The following KHDRBS2 variants were observed in gnomAD, a reference collection of about 807,000 sequenced individuals.
The protein encoded by KHDRBS2 is KH domain-containing, RNA-binding, signal transduction-associated protein 2.
In KHDRBS2, 26 loss-of-function variants were observed where a neutral mutation model predicts 44.3. The ratio of observed to expected loss-of-function variants is 0.59; its 90% CI spans 0.43 to 0.81. The LOEUF is 0.81. Ranked by LOEUF, KHDRBS2 falls within the 40% of genes least tolerant of loss-of-function variation. The pLI is 0.00. For synonymous variants in KHDRBS2, 194 were observed against 151.1 expected, an observed-to-expected ratio of 1.28 and a Z score of -2.08; for missense variants, 476 against 433.1, an observed-to-expected ratio of 1.10 and a Z score of -0.88.
At chr6:62,110,217 A>C (rs1413910887) in intron 2 of KHDRBS2, among the ~76,000 whole-genome samples, 3 of 152,098 alleles carry the variant, frequency 2.0e-5, no homozygotes, top group Non-Finnish European at 4.4e-5. Flanking sequence ...ACTTCCATAC[A>C]TTGTTGATGG....
At chr6:61,861,653 C>T (rs1275475489) in intron 6 of KHDRBS2, among the ~76,000 whole-genome samples, 1 of 136,086 alleles carries the variant, frequency 7.3e-6, no homozygotes, top group African/African-American at 2.9e-5. Flanking sequence ...ACGATGCCTC[C>T]AGTTTTGTTT....
intron 2 of KHDRBS2, among the ~76,000 whole-genome samples, chr6:62,147,099 T>C (rs964478260): frequency 1.3e-5 from 2 of 151,946 alleles, no homozygotes; most frequent in Non-Finnish European, 2.9e-5. Context: ...AGCCCTACAA[T>C]TGGTTTCTGT....
At chr6:61,567,795 A>G in the KHDRBS2 span, among the ~76,000 whole-genome samples, 1 of 140,426 alleles carries the variant, frequency 7.1e-6, no homozygotes, top group East Asian at 2.0e-4. Flanking sequence ...TTCTTTCTTC[A>G]TCTTTTCTTT....
At chr6:62,060,658 CA>C (rs1791600299) in intron 2 of KHDRBS2, among the ~76,000 whole-genome samples, 1 of 150,062 alleles carries the variant, frequency 6.7e-6, no homozygotes, top group African/African-American at 2.4e-5. Context: ...TGAACTAAAA[CA>C]AATTTAAAAG....
intron 1 of KHDRBS2, among the ~76,000 whole-genome samples, chr6:62,255,145 T>C (rs897168162): frequency 2.0e-5 from 3 of 152,002 alleles, no homozygotes; most frequent in African/African-American, 7.2e-5. Context: ...AATTTACAAA[T>C]AGATCATCTT....
chr6:61,554,687 T>C, the KHDRBS2 span, among the ~76,000 whole-genome samples: 2 of 152,226 alleles, frequency 1.3e-5, no homozygotes. Context: ...TCAGGACCTC[T>C]TGTAAGGCAA....
intron 1 of KHDRBS2, among the ~76,000 whole-genome samples, chr6:62,215,723 C>T (rs543431428): frequency 5.9e-5 from 9 of 151,716 alleles, no homozygotes; most frequent in Admixed American, 5.3e-4. Context: ...CTCCAGAATA[C>T]CAGTGATCAG....
chr6:62,178,163 G>C (rs139786294), intron 1 of KHDRBS2, among the ~76,000 whole-genome samples: 104 of 151,540 alleles, frequency 6.9e-4, no homozygotes, highest in African/African-American at 2.4e-3. Context: ...ATACAAAGGA[G>C]ACTCAAGCAG....
rs1842475631 is a variant in KHDRBS2, at chr6:62,286,176, A to G, written c.-228T>C. 1.8e-6 allele frequency: 1 copy of G among 543,916 alleles called. No homozygotes were observed. The highest frequency in any genetic ancestry group is 3.2e-6 in the Non-Finnish European group (1 of 311,634). 33.7% of individuals were successfully genotyped at this position (543,916 alleles called of 1,614,324 possible). On this transcript the variant is annotated 5_prime_UTR_variant, in exon 1 of 9. Transcript: ENST00000281156. ...CCCTTCCGTCGTCCCTCGCTCGCGC[A>G]GAGCCCCGGCTCACACCAGCGGCCT...
intron 2 of KHDRBS2, among the ~76,000 whole-genome samples, chr6:62,131,378 G>A (rs1490907735): frequency 6.6e-6 from 1 of 152,140 alleles, no homozygotes; most frequent in Non-Finnish European, 1.5e-5. Flanking sequence ...ATAATTTAAA[G>A]AGAGCTTATT....
At chr6:61,667,339 CTG>C in the KHDRBS2 span, among the ~76,000 whole-genome samples, 3 of 151,076 alleles carry the variant, frequency 2.0e-5, no homozygotes, top group Admixed American at 1.3e-4. Context: ...TTATTTATGA[CTG>C]TCTCACATTT....
At chr6:61,645,263 G>A in the KHDRBS2 span, among the ~76,000 whole-genome samples, 2 of 151,972 alleles carry the variant, frequency 1.3e-5, no homozygotes, top group Non-Finnish European at 2.9e-5. Context: ...GCTAAATAAT[G>A]AGAACATATG....
intron 2 of KHDRBS2, among the ~76,000 whole-genome samples, chr6:62,097,402 AG>A (rs1800854587): frequency 6.6e-6 from 1 of 152,038 alleles, no homozygotes; most frequent in South Asian, 2.1e-4. Context: ...ATATATACTT[AG>A]GTGCTTTTAT....
At chr6:62,237,290 T>C (rs1244940076) in intron 1 of KHDRBS2, among the ~76,000 whole-genome samples, 3 of 152,192 alleles carry the variant, frequency 2.0e-5, no homozygotes, top group Non-Finnish European at 2.9e-5. Flanking sequence ...ATAACAATTA[T>C]AGGTTGTGTT....
chr6:61,890,824 A>C (rs6912551), intron 6 of KHDRBS2, among the ~76,000 whole-genome samples: 27 of 152,030 alleles, frequency 1.8e-4, no homozygotes, highest in Non-Finnish European at 2.6e-4. Flanking sequence ...AGAGTAGAAT[A>C]TGATTTCTGT....
chr6:61,601,589 G>A, the KHDRBS2 span, among the ~76,000 whole-genome samples: 8 of 151,892 alleles, frequency 5.3e-5, no homozygotes, highest in East Asian at 1.9e-4. Context: ...TTTACACATC[G>A]GTACCTCCCT....
chr6:61,920,621 GT>G (rs1807910739), intron 4 of KHDRBS2, among the ~76,000 whole-genome samples: 2 of 151,906 alleles, frequency 1.3e-5, no homozygotes, highest in South Asian at 2.1e-4. Context: ...TGTAAAAAAT[GT>G]TTTTTGGCTA....
At chr6:61,702,140 C>A (rs1269379182) in intron 7 of KHDRBS2, among the ~76,000 whole-genome samples, 6 of 151,886 alleles carry the variant, frequency 4.0e-5, no homozygotes, top group Non-Finnish European at 7.4e-5. Flanking sequence ...CCCTCTACAA[C>A]CAATCTGTCC....
At chr6:62,050,483 A>T (rs769916648) in intron 2 of KHDRBS2, among the ~76,000 whole-genome samples, 31 of 151,954 alleles carry the variant, frequency 2.0e-4, no homozygotes, top group Admixed American at 2.0e-4. Context: ...AACACTCATT[A>T]AAAAATTGAA....
Sources: gnomAD v4.1 joint callset for allele counts (sites outside exome capture counted in the v4.1 genomes callset) on GRCh38, gnomAD v4.1.1 for gene constraint, MANE v1.5 for transcripts, NCBI Gene and HGNC (gene_info 2026-07-23, HGNC 2026-07-21) for gene names.